GALNT13: variants seen among roughly 807,000 people sequenced by gnomAD.
GALNT13 encodes UDP-GalNAc:polypeptide N-acetylgalactosaminyltransferase 13.
Under a neutral mutation model 64.2 loss-of-function variants are expected in GALNT13, and 28 were observed. The observed-to-expected ratio is 0.44, with a 90% CI of 0.32 to 0.60. The LOEUF (loss-of-function observed/expected upper bound fraction) is 0.60, where lower values mean the gene tolerates loss of function less well. GALNT13 is among the 20% of genes least tolerant of loss of function. The pLI is 0.05. For synonymous variants in GALNT13, 214 were observed against 224.6 expected, an observed-to-expected ratio of 0.95 and a Z score of 0.42; for missense variants, 577 against 669.8, an observed-to-expected ratio of 0.86 and a Z score of 1.53.
chr2:154,030,524 G>T (rs1007148806), intron 3 of GALNT13, among the ~76,000 whole-genome samples: 2 of 152,050 alleles, frequency 1.3e-5, no homozygotes, highest in African/African-American at 4.8e-5. Flanking sequence ...ATTAAAGGAG[G>T]TTCTTTAGGG....
intron 3 of GALNT13, among the ~76,000 whole-genome samples, chr2:153,970,732 CTG>C (rs1405749195): frequency 2.0e-5 from 3 of 152,124 alleles, no homozygotes; most frequent in Non-Finnish European, 4.4e-5. Flanking sequence ...GCCATCTTTT[CTG>C]TGTCGATTTT....
At chr2:153,508,219 T>G in the GALNT13 span, among the ~76,000 whole-genome samples, 1 of 152,100 alleles carries the variant, frequency 6.6e-6, no homozygotes, top group Non-Finnish European at 1.5e-5. Context: ...TGCCCTAGGG[T>G]CGCCTGGTTA....
At chr2:153,279,331 A>G in the GALNT13 span, among the ~76,000 whole-genome samples, 3 of 151,984 alleles carry the variant, frequency 2.0e-5, no homozygotes, top group African/African-American at 4.8e-5. Context: ...TCCTTTTTCT[A>G]TTTGGATTCC....
the GALNT13 span, among the ~76,000 whole-genome samples, chr2:153,656,861 AAG>A: frequency 6.6e-6 from 1 of 152,072 alleles, no homozygotes; most frequent in African/African-American, 2.4e-5. Flanking sequence ...GAAGTCTAAA[AAG>A]AGAGGTTAAA....
chr2:154,113,567 C>A (rs1703108288), intron 3 of GALNT13, among the ~76,000 whole-genome samples: 1 of 152,196 alleles, frequency 6.6e-6, no homozygotes, highest in Admixed American at 6.5e-5. Flanking sequence ...CACTGGACCC[C>A]TAGAAATTAC....
chr2:153,075,711 A>G, the GALNT13 span, among the ~76,000 whole-genome samples: 6 of 152,206 alleles, frequency 3.9e-5, no homozygotes, highest in Admixed American at 3.9e-4. Flanking sequence ...AGATATGTCC[A>G]GAAAAATCAA....
chr2:154,176,547 C>T (rs575560769), intron 4 of GALNT13, among the ~76,000 whole-genome samples: 15 of 151,974 alleles, frequency 9.9e-5, no homozygotes, highest in African/African-American at 2.4e-4. Flanking sequence ...CCACCACACC[C>T]GGCCTAGAAC....
the GALNT13 span, among the ~76,000 whole-genome samples, chr2:153,579,268 A>G: frequency 6.6e-6 from 1 of 152,082 alleles, no homozygotes; most frequent in Admixed American, 6.6e-5. Flanking sequence ...GAAACCAGGA[A>G]GACATGGCAG....
chr2:154,024,343 T>C (rs1697772565), intron 3 of GALNT13, among the ~76,000 whole-genome samples: 1 of 152,208 alleles, frequency 6.6e-6, no homozygotes, highest in Non-Finnish European at 1.5e-5. Context: ...CAATCAGACA[T>C]AGATTTGGTC....
At chr2:153,388,495 A>G in the GALNT13 span, among the ~76,000 whole-genome samples, 3 of 152,184 alleles carry the variant, frequency 2.0e-5, no homozygotes, top group Admixed American at 2.0e-4. Flanking sequence ...CCAGGCATTT[A>G]GCTCATTGTC....
the GALNT13 span, among the ~76,000 whole-genome samples, chr2:153,304,448 C>T: frequency 1.3e-5 from 2 of 152,114 alleles, no homozygotes; most frequent in Non-Finnish European, 2.9e-5. Flanking sequence ...GAAGAAGTTA[C>T]TCAAGTATTC....
At chr2:153,384,568 T>G in the GALNT13 span, among the ~76,000 whole-genome samples, 1 of 151,950 alleles carries the variant, frequency 6.6e-6, no homozygotes, top group Non-Finnish European at 1.5e-5. Flanking sequence ...GAAATTAAGG[T>G]CCAGTCTTGC....
At chr2:153,797,204 A>C in the GALNT13 span, among the ~76,000 whole-genome samples, 1 of 152,218 alleles carries the variant, frequency 6.6e-6, no homozygotes, top group Non-Finnish European at 1.5e-5. Context: ...TGTCATGGAC[A>C]GAGGCTTTTT....
the GALNT13 span, among the ~76,000 whole-genome samples, chr2:153,826,699 A>G: frequency 6.6e-6 from 1 of 152,126 alleles, no homozygotes; most frequent in Non-Finnish European, 1.5e-5. Context: ...TGACAAATGA[A>G]TGTCTGGGAA....
At chr2:153,300,016 C>T in the GALNT13 span, among the ~76,000 whole-genome samples, 2 of 152,234 alleles carry the variant, frequency 1.3e-5, no homozygotes, top group East Asian at 1.9e-4. Flanking sequence ...GACAGCTATT[C>T]CTGGATTCCA....
chr2:154,066,328 C>A (rs548756128), intron 3 of GALNT13, among the ~76,000 whole-genome samples: 2 of 152,056 alleles, frequency 1.3e-5, no homozygotes, highest in South Asian at 4.1e-4. Context: ...AGCATAATAA[C>A]GGAGAACTTC....
the GALNT13 span, among the ~76,000 whole-genome samples, chr2:153,415,302 G>A: frequency 6.6e-6 from 1 of 152,096 alleles, no homozygotes; most frequent in African/African-American, 2.4e-5. Flanking sequence ...GGATTTGGGA[G>A]GCTGACTAGT....
the GALNT13 span, among the ~76,000 whole-genome samples, chr2:153,720,779 T>C: frequency 8.1e-5 from 12 of 147,268 alleles, no homozygotes; most frequent in South Asian, 2.2e-4. Flanking sequence ...TAAAAAGAAA[T>C]GAGCAAAGCC....
At chr2:153,630,807 A>ATATTTATTTTTTTTTTTTTTTTT in the GALNT13 span, among the ~76,000 whole-genome samples, 1 of 21,990 alleles carries the variant, frequency 4.5e-5, no homozygotes, top group Non-Finnish European at 7.5e-5. Context: ...ATATATATAT[A>ATATTTATTTTTTTTTTTTTTTTT]TTTTTTTTTT....
Sources: gnomAD v4.1 joint callset for allele counts (sites outside exome capture counted in the v4.1 genomes callset) on GRCh38, gnomAD v4.1.1 for gene constraint, MANE v1.5 for transcripts, NCBI Gene and HGNC (gene_info 2026-07-23, HGNC 2026-07-21) for gene names.